KRT81: variants seen among roughly 807,000 people sequenced by gnomAD.
KRT81 encodes keratin, type II cuticular Hb1.
KRT81 carries 35 observed loss-of-function variants against 35.8 expected under a neutral mutation model. The observed-to-expected ratio is 0.98, with a 90% CI of 0.75 to 1.30. The LOEUF (loss-of-function observed/expected upper bound fraction) is 1.30, where lower values mean the gene tolerates loss of function less well. KRT81 is among the 50% of genes most tolerant of loss of function. KRT81 has a pLI of 0.00. For synonymous variants in KRT81, 249 were observed against 251.2 expected (o/e 0.99, Z 0.08); for missense variants, 531 against 577.4 (o/e 0.92, Z 0.82).
chr12:52,287,935 C>T (rs754875313), intron 5 of KRT81, 49 bp downstream of exon 5: 11 of 1,613,916 alleles, frequency 6.8e-6, no homozygotes, highest in Middle Eastern at 1.6e-4. Flanking sequence ...AGATATCTCA[C>T]ATCCCTCCCA....
Position 52,288,601 on chromosome 12 carries a change from T to C in KRT81, c.640-145A>G, listed in dbSNP as rs1938043882. 6.9e-6 allele frequency: 7 copies of C among 1,011,884 alleles called. No homozygotes were observed. The South Asian group carries it at 7.7e-5, about 11-fold the overall frequency. The allele number at this position is 1,011,884 out of a possible 1,614,324, so 62.7% of individuals were successfully genotyped here. ...GCCTTTCCTCCCCTTCTGCCCTTCC[T>C]GGGATGAGCTGGCATCCTCTGTCCC... On this transcript the variant is annotated intron_variant, in intron 3 of 8. Transcript: ENST00000327741.
intron 6 of KRT81, 91 bp from the exon 7 acceptor site, chr12:52,287,413 A>G (rs1419465011): frequency 6.3e-7 from 1 of 1,577,468 alleles, no homozygotes; most frequent in African/African-American, 1.4e-5. Context: ...CCAAGCTGGG[A>G]GCACCCCAGA....
chr12:52,286,184 G>A lies in KRT81; in HGVS notation c.*71C>T, dbSNP rs977518732. 68 of 1,271,704 alleles carry A rather than the reference G, an allele frequency of 5.3e-5. No homozygotes were observed. Among genetic ancestry groups the A allele is most frequent in the Non-Finnish European group, 7.2e-5 (64 of 893,738 alleles). 78.8% of individuals were successfully genotyped at this position (1,271,704 alleles called of 1,614,324 possible). A position where few individuals can be genotyped will look rare whatever the true frequency, so the allele number is the denominator to read the frequency against. ...AAGTAGCTGAGCACTTGCTCCAGGC[G>A]CCTGGACTGGATGGGCCAAGCAAGG... On this transcript the variant is annotated 3_prime_UTR_variant, in exon 9 of 9. Coordinates refer to ENST00000327741, the MANE Select transcript of KRT81 (RefSeq NM_002281.4).
rs764675374 is a variant in KRT81 at position 52,286,319 on chromosome 12, A to G, written c.1454T>C (p.Val485Ala). ...NTTCGGGSCGVGSCGISSLGV... is the reference protein window; with the variant it reads ...NTTCGGGSCGAGSCGISSLGV... Reference sequence around the variant, plus strand: ...CAGGGAGCTGATACCACAGGAGCCCACGCCGCAGGAACCCCCTCCGCAGGT... The same window carrying G: ...CAGGGAGCTGATACCACAGGAGCCCGCGCCGCAGGAACCCCCTCCGCAGGT... The change falls in exon 9 of 9, where the codon GTG (valine) becomes GCG (alanine). Residue 485 changes from valine (V) to alanine (A), a missense_variant. Transcript: ENST00000327741. 1 of 1,554,454 alleles carries G rather than the reference A, an allele frequency of 6.4e-7. No homozygotes were observed. The highest frequency in any genetic ancestry group is 1.2e-5 in the South Asian group (1 of 84,248).
chr12:52,286,679 T>A, intron 8 of KRT81, 112 bp downstream of exon 8: 1 of 1,289,918 alleles, frequency 7.8e-7, no homozygotes, highest in Admixed American at 1.9e-5. Flanking sequence ...CCTCCTGTTG[T>A]GATGCCAGCC....
At position 52,287,302 on chromosome 12, in the gene KRT81, C is replaced by G; in HGVS notation, c.1047G>C (p.Ala349=). Residue 349 remains alanine (A), a synonymous_variant, in exon 7 of 9, where the codon GCG becomes GCC. Coordinates refer to ENST00000327741, the MANE Select transcript of KRT81 (RefSeq NM_002281.4). ...CACCCTGCTGCTCAGACTGGGCCACCGCGGCCTCCAGCTTGGAGTTCTGAA... is the reference window on the plus strand; with the variant it reads ...CACCCTGCTGCTCAGACTGGGCCACGGCGGCCTCCAGCTTGGAGTTCTGAA... ...AKCQNSKLEA[A]VAQSEQQGEA... 1 of 1,614,014 alleles carries G rather than the reference C, an allele frequency of 6.2e-7. No individual in the cohort carries two copies. The highest frequency in any genetic ancestry group is 8.5e-7 in the Non-Finnish European group (1 of 1,179,968).
chr12:52,286,458 C>G lies in KRT81; in HGVS notation c.1315G>C (p.Asp439His), dbSNP rs1441817685. ...GGCCGGGAGCCTGACACGCAGAGGTCCCCGCACACGACCCCGCCCCGGGAG... is the reference window on the plus strand; with the variant it reads ...GGCCGGGAGCCTGACACGCAGAGGTGCCCGCACACGACCCCGCCCCGGGAG... The part of the protein sequence containing the change: ...SSSRGGVVCG[D>H]LCVSGSRPVT... Residue 439 changes from aspartate to histidine, a missense_variant, in exon 9 of 9, where the codon GAC becomes CAC. By Grantham distance (81) the Asp-to-His change is moderately conservative (BLOSUM62 -1). Coordinates refer to ENST00000327741, the MANE Select transcript of KRT81 (RefSeq NM_002281.4). 2 of 1,552,732 alleles carry G rather than the reference C, an allele frequency of 1.3e-6. No homozygotes were observed. Among genetic ancestry groups the G allele is most frequent in the South Asian group, 1.2e-5 (1 of 84,164 alleles).
At position 52,288,954 on chromosome 12, in the gene KRT81, C is replaced by T. The variant is rs71453285; in HGVS notation, c.639+261G>A. ...CAGGGGCCTCAGCAATAGACCACAA[C>T]CTCTGGAACAGAGCAGGACACACAG... On this transcript the variant is annotated intron_variant, in intron 3 of 8. Coordinates refer to ENST00000327741, the MANE Select transcript of KRT81 (RefSeq NM_002281.4). 2.1e-3 allele frequency among the ~76,000 whole-genome samples: 307 copies of T among 144,500 alleles called. 1 individual carries two copies. Among genetic ancestry groups the T allele is most frequent in the Non-Finnish European group, 3.5e-3 (230 of 66,456 alleles). The allele number at this position is 144,500 out of a possible 152,430, so 94.8% of individuals were successfully genotyped here.
Position 52,291,373 on chromosome 12 carries a change from G to A in KRT81, c.93C>T (p.Pro31=), listed in dbSNP as rs1438301334. The change falls in exon 1 of 9, where the codon CCC becomes CCT. Residue 31 remains proline (P), a synonymous_variant. Transcript: ENST00000327741. ...RPGRCCITAA[P]YRGISCYRGL... is the part of the protein sequence containing the mutation. Reference sequence around the variant, plus strand: ...CGCGGTAGCAGGAGATGCCACGGTAGGGGGCGGCGGTGATGCAGCAGCGGC... The same window carrying A: ...CGCGGTAGCAGGAGATGCCACGGTAAGGGGCGGCGGTGATGCAGCAGCGGC... The A allele has an allele frequency of 6.2e-7, 1 of 1,603,334 alleles. No homozygotes were observed. The highest frequency in any genetic ancestry group is 2.3e-5 in the East Asian group (1 of 44,432).
At chr12:52,288,596 C>T (rs770917546) in intron 3 of KRT81, 140 bp from the exon 4 acceptor site, 114 of 1,069,164 alleles carry the variant, frequency 1.1e-4, no homozygotes, top group Non-Finnish European at 1.5e-4. Flanking sequence ...CCCTTCTGCC[C>T]TTCCTGGGAT....
At position 52,288,583 on chromosome 12, in the gene KRT81, C is replaced by T. The variant is rs918541259; in HGVS notation, c.640-127G>A. ...CTGGTGTCCCATTCCCATGCCTTTCCTCCCCTTCTGCCCTTCCTGGGATGA... is the reference window on the plus strand; with the variant it reads ...CTGGTGTCCCATTCCCATGCCTTTCTTCCCCTTCTGCCCTTCCTGGGATGA... On this transcript the variant is annotated intron_variant, in intron 3 of 8. Transcript: ENST00000327741. The T allele has an allele frequency of 1.4e-5, 16 of 1,149,210 alleles. No individual in the cohort carries two copies. The African/African-American group carries it at 2.3e-4, about 16-fold the overall frequency. 71.2% of individuals were successfully genotyped at this position (1,149,210 alleles called of 1,614,324 possible).
intron 4 of KRT81, 44 bp downstream of exon 4, chr12:52,288,317 T>C: frequency 6.2e-7 from 1 of 1,612,550 alleles, no homozygotes; most frequent in Non-Finnish European, 8.5e-7. Flanking sequence ...CCAACTCTCC[T>C]CTCTGCTGGC....
chr12:52,286,232 G>A lies in KRT81; in HGVS notation c.*23C>T. 2 of 1,543,650 alleles carry A rather than the reference G, an allele frequency of 1.3e-6. No individual in the cohort carries two copies. The highest frequency in any genetic ancestry group is 1.8e-6 in the Non-Finnish European group (2 of 1,139,560). On this transcript the variant is annotated 3_prime_UTR_variant, in exon 9 of 9. Coordinates refer to ENST00000327741, the MANE Select transcript of KRT81 (RefSeq NM_002281.4). ...AGGCAGGGCAGGAAAGATGCCTGGG[G>A]CCTGGGACTTGAGTTGGGGTGCCTA...
rs773529374 is a variant in KRT81, at chr12:52,286,813, T to C, written c.1257A>G (p.Glu419=). The change falls in exon 8 of 9, where the codon GAA becomes GAG. Residue 419 remains glutamate, a synonymous_variant. Coordinates refer to ENST00000327741, the MANE Select transcript of KRT81 (RefSeq NM_002281.4). ...CACAGACATTCACAGCCCCAATGCCTTCACATAGCCTGAGGGCAAAAGAGA... is the reference window on the plus strand; with the variant it reads ...CACAGACATTCACAGCCCCAATGCCCTCACATAGCCTGAGGGCAAAAGAGA... ...LLEGEEQRLC[E]GIGAVNVCVS... The C allele has an allele frequency of 6.2e-6, 10 of 1,613,950 alleles. No individual in the cohort carries two copies. The highest frequency in any genetic ancestry group is 8.5e-6 in the Non-Finnish European group (10 of 1,179,960).
Position 52,287,910 on chromosome 12 carries a change from G to A in KRT81, c.900+74C>T. ...CCTAGGGACCAGCATCCCCAGAAAAGGAAGCCTATTTAATAGATATCTCAC... is the reference window on the plus strand; with the variant it reads ...CCTAGGGACCAGCATCCCCAGAAAAAGAAGCCTATTTAATAGATATCTCAC... On this transcript the variant is annotated intron_variant, in intron 5 of 8. Transcript: ENST00000327741. 3.7e-6 allele frequency: 6 copies of A among 1,612,768 alleles called. No individual in the cohort carries two copies. In the Admixed American group the frequency reaches 6.7e-5, roughly 18 times the overall value.
At chr12:52,291,041 G>C (rs1186081397) in intron 1 of KRT81, 56 bp downstream of exon 1, 2 of 482,124 alleles carry the variant, frequency 4.1e-6, no homozygotes, top group Admixed American at 4.8e-5. Flanking sequence ...CTTAGTGCCC[G>C]GCCCTGGCTG....
chr12:52,286,563 G>C (rs1476554712), intron 8 of KRT81, 70 bp from the exon 9 acceptor site: 1 of 1,447,762 alleles, frequency 6.9e-7, no homozygotes, highest in East Asian at 2.5e-5. Context: ...AACCGCCCCT[G>C]CCCAAGACCT....
At chr12:52,288,235 C>T in intron 4 of KRT81, 87 bp from the exon 5 acceptor site, 3 of 1,594,786 alleles carry the variant, frequency 1.9e-6, no homozygotes, top group Non-Finnish European at 2.6e-6. Flanking sequence ...TTTCTCTGGT[C>T]CCCAACCCTG....
At position 52,288,469 on chromosome 12, in the gene KRT81, G is replaced by A. The variant is rs750447387; in HGVS notation, c.640-13C>T. 2.5e-6 allele frequency: 4 copies of A among 1,613,902 alleles called. No individual in the cohort carries two copies. Among genetic ancestry groups the A allele is most frequent in the South Asian group, 2.2e-5 (2 of 91,074 alleles). Reference sequence around the variant, plus strand: ...CGCAGTCCACATCCTGGAAAGGTGGGGAGTGTTGGAGCTCAAGGACCCTGG... The same window carrying A: ...CGCAGTCCACATCCTGGAAAGGTGGAGAGTGTTGGAGCTCAAGGACCCTGG... On this transcript the variant is annotated splice_polypyrimidine_tract_variant and intron_variant, in intron 3 of 8. Coordinates refer to ENST00000327741, the MANE Select transcript of KRT81 (RefSeq NM_002281.4).
Sources: allele counts gnomAD v4.1 joint callset (sites outside exome capture counted in the v4.1 genomes callset), GRCh38; gene constraint gnomAD v4.1.1; transcripts MANE v1.5; gene names NCBI Gene and HGNC (gene_info 2026-07-23, HGNC 2026-07-21).